The following DSCAML1 variants were observed in gnomAD, a reference collection of about 807,000 sequenced individuals.
The protein encoded by DSCAML1 is DS cell adhesion molecule like 1.
In DSCAML1, 38 loss-of-function variants were observed where a neutral mutation model predicts 200.5. That is an observed-to-expected ratio of 0.19 (90% confidence interval 0.15 to 0.25). The LOEUF (loss-of-function observed/expected upper bound fraction) is 0.25, where lower values mean the gene tolerates loss of function less well. Among genes scored for constraint, DSCAML1 ranks in the 10% least tolerant of loss-of-function variants. The pLI is 1.00. For missense variants in DSCAML1, 2,223 were observed against 2,858.8 expected (o/e 0.78, Z 5.07); for synonymous variants, 1,215 against 1,165.0 (o/e 1.04, Z -0.87).
chr11:117,544,969 T>C (rs1162287338), intron 3 of DSCAML1, among the ~76,000 whole-genome samples: 1 of 151,968 alleles, frequency 6.6e-6, no homozygotes, highest in African/African-American at 2.4e-5. Context: ...TGGTGGCTCA[T>C]GCCTGTAATC....
intron 1 of DSCAML1, among the ~76,000 whole-genome samples, chr11:117,786,365 G>T (rs978799797): frequency 6.6e-6 from 1 of 152,224 alleles, no homozygotes; most frequent in Non-Finnish European, 1.5e-5. Context: ...GCTCCAAATT[G>T]CTAGGAGATT....
chr11:117,721,338 C>T (rs890481464), intron 3 of DSCAML1, among the ~76,000 whole-genome samples: 6 of 152,186 alleles, frequency 3.9e-5, no homozygotes, highest in Admixed American at 2.6e-4. Flanking sequence ...TTCGGAGATC[C>T]GTAGTTTAAG....
At chr11:117,811,195 T>C (rs934294831) in intron 1 of DSCAML1, among the ~76,000 whole-genome samples, 12 of 152,190 alleles carry the variant, frequency 7.9e-5, no homozygotes, top group African/African-American at 2.9e-4. Context: ...GTTTAGGCTC[T>C]TTTTCATCAA....
At chr11:117,677,251 A>G (rs1211646264) in intron 3 of DSCAML1, among the ~76,000 whole-genome samples, 2 of 152,176 alleles carry the variant, frequency 1.3e-5, no homozygotes, top group African/African-American at 4.8e-5. Flanking sequence ...GAGGTGCTAG[A>G]CTTCTAAGAA....
intron 3 of DSCAML1, among the ~76,000 whole-genome samples, chr11:117,762,975 G>C (rs73587425): frequency 0.057 from 8,643 of 152,126 alleles, 341 homozygotes; most frequent in African/African-American, 0.098. Context: ...TAAAAAGTGA[G>C]AGACTATTTA....
intron 3 of DSCAML1, among the ~76,000 whole-genome samples, chr11:117,696,990 C>A (rs1394809304): frequency 2.6e-5 from 4 of 152,236 alleles, no homozygotes; most frequent in Non-Finnish European, 4.4e-5. Context: ...TGGGAGCTAA[C>A]ATTTAACAAG....
chr11:117,601,345 C>T (rs1185311400), intron 3 of DSCAML1, among the ~76,000 whole-genome samples: 2 of 152,142 alleles, frequency 1.3e-5, no homozygotes, highest in African/African-American at 4.8e-5. Flanking sequence ...TGAAGACCAC[C>T]AGGGTGTGTT....
chr11:117,429,051 G>A (rs747192140), intron 32 of DSCAML1, among the ~76,000 whole-genome samples: 29 of 152,332 alleles, frequency 1.9e-4, no homozygotes, highest in Admixed American at 3.9e-4. Context: ...AATGAGGTGA[G>A]GGAGGTAAAG....
At chr11:117,723,713 C>T (rs1386489500) in intron 3 of DSCAML1, among the ~76,000 whole-genome samples, 1 of 152,154 alleles carries the variant, frequency 6.6e-6, no homozygotes, top group African/African-American at 2.4e-5. Context: ...AGTAAAATGA[C>T]ATTTGCCTTT....
At chr11:117,813,167 C>A (rs1332219439) in intron 1 of DSCAML1, among the ~76,000 whole-genome samples, 2 of 152,170 alleles carry the variant, frequency 1.3e-5, no homozygotes, top group Non-Finnish European at 2.9e-5. Flanking sequence ...TTAAAAAGGA[C>A]TGGACAATAC....
At chr11:117,468,591 C>T (rs1056994747) in intron 16 of DSCAML1, among the ~76,000 whole-genome samples, 2 of 152,170 alleles carry the variant, frequency 1.3e-5, no homozygotes, top group African/African-American at 4.8e-5. Context: ...GATGCCCGGC[C>T]TCACCCCACT....
At chr11:117,603,869 T>C (rs2051512739) in intron 3 of DSCAML1, among the ~76,000 whole-genome samples, 1 of 152,252 alleles carries the variant, frequency 6.6e-6, no homozygotes, top group African/African-American at 2.4e-5. Context: ...ACCAGCCGCT[T>C]GAATTCATTG....
chr11:117,446,096 G>A (rs1050013926), intron 20 of DSCAML1, among the ~76,000 whole-genome samples: 2 of 152,220 alleles, frequency 1.3e-5, no homozygotes, highest in Non-Finnish European at 2.9e-5. Flanking sequence ...GGGCATACTG[G>A]CTCACATCTG....
At chr11:117,515,913 C>T (rs191508919) in intron 8 of DSCAML1, among the ~76,000 whole-genome samples, 3 of 152,196 alleles carry the variant, frequency 2.0e-5, no homozygotes, top group East Asian at 3.9e-4. Flanking sequence ...CCACTGTGCC[C>T]GGCCTGAGGG....
chr11:117,637,359 T>C (rs938224632), intron 3 of DSCAML1, among the ~76,000 whole-genome samples: 14 of 151,566 alleles, frequency 9.2e-5, no homozygotes, highest in African/African-American at 3.2e-4. Context: ...TTTTTTTTTT[T>C]TTTTGAGACG....
At chr11:117,506,187 C>T (rs769780785) in intron 8 of DSCAML1, among the ~76,000 whole-genome samples, 9 of 152,200 alleles carry the variant, frequency 5.9e-5, no homozygotes, top group Non-Finnish European at 7.3e-5. Flanking sequence ...GCATGTCCTA[C>T]GGCTGCTCAT....
intron 3 of DSCAML1, among the ~76,000 whole-genome samples, chr11:117,623,351 G>A (rs1435286527): frequency 6.6e-6 from 1 of 151,698 alleles, no homozygotes; most frequent in Admixed American, 6.6e-5. Flanking sequence ...TGAGTAGCTG[G>A]GATTACAGGA....
At chr11:117,441,986 G>C (rs1006767461) in intron 21 of DSCAML1, among the ~76,000 whole-genome samples, 2 of 151,744 alleles carry the variant, frequency 1.3e-5, no homozygotes, top group Non-Finnish European at 2.9e-5. Context: ...GTGCATATGT[G>C]TGTGTATGTG....
rs144505864 is a variant in DSCAML1, at chr11:117,442,333, A to AGTGTGT, written c.3862+1547_3862+1552dup. ...TGTGTATGCATGTATTAGTGTGTAT[A>AGTGTGT]GTGTGTATGTGTGTGCATGTGTGTA... On this transcript the variant is annotated intron_variant, in intron 21 of 32. Transcript: ENST00000651296. Among the ~76,000 whole-genome samples, 6 of 150,220 alleles carry AGTGTGT rather than the reference A, an allele frequency of 4.0e-5. No individual in the cohort carries two copies. The East Asian group carries it at 1.2e-3, about 30-fold the overall frequency.
Sources: allele counts gnomAD v4.1 joint callset (sites outside exome capture counted in the v4.1 genomes callset), GRCh38; gene constraint gnomAD v4.1.1; transcripts MANE v1.5; gene names NCBI Gene and HGNC (gene_info 2026-07-23, HGNC 2026-07-21).